The following RAD54L2 variants were observed in gnomAD, a reference collection of about 807,000 sequenced individuals.
RAD54L2 encodes the protein helicase ARIP4.
Under a neutral mutation model 138.4 loss-of-function variants are expected in RAD54L2, and 27 were observed. The observed-to-expected ratio is 0.20, with a 90% CI of 0.14 to 0.27. The LOEUF (loss-of-function observed/expected upper bound fraction) is 0.27, where lower values mean the gene tolerates loss of function less well. Ranked by LOEUF, RAD54L2 falls within the 10% of genes least tolerant of loss-of-function variation. The probability of loss-of-function intolerance (pLI) is 1.00; values close to 1 mark genes in which losing one functional copy is unlikely to be tolerated. For synonymous variants in RAD54L2, 644 were observed against 723.2 expected (o/e 0.89, Z 1.76); for missense variants, 1,396 against 1,890.2 (o/e 0.74, Z 4.85).
At chr3:51,575,329 A>G (rs1212522042) in intron 2 of RAD54L2, among the ~76,000 whole-genome samples, 2 of 152,170 alleles carry the variant, frequency 1.3e-5, no homozygotes, top group African/African-American at 2.4e-5. Context: ...TTGGCAATGC[A>G]GGCTCTTTTT....
At chr3:51,561,252 A>C (rs1025272855) in intron 2 of RAD54L2, among the ~76,000 whole-genome samples, 1 of 152,048 alleles carries the variant, frequency 6.6e-6, no homozygotes, top group Non-Finnish European at 1.5e-5. Context: ...GAAATTCCCT[A>C]TCTTTTTTTA....
chr3:51,552,718 G>A (rs1486061889), intron 2 of RAD54L2, among the ~76,000 whole-genome samples: 1 of 151,528 alleles, frequency 6.6e-6, no homozygotes, highest in Non-Finnish European at 1.5e-5. Context: ...GATTACAGGC[G>A]CTTACTACCA....
chr3:51,628,009 G>T (rs1490594941), intron 4 of RAD54L2, among the ~76,000 whole-genome samples: 2 of 152,150 alleles, frequency 1.3e-5, no homozygotes, highest in Non-Finnish European at 2.9e-5. Context: ...GAGGCCCCAG[G>T]TGGCAGCCCG....
intron 2 of RAD54L2, among the ~76,000 whole-genome samples, chr3:51,577,327 T>C (rs998396139): frequency 2.0e-5 from 3 of 152,192 alleles, no homozygotes; most frequent in Non-Finnish European, 2.9e-5. Context: ...TTCTATTGAT[T>C]TGGGGTGGAG....
chr3:51,579,746 A>G (rs1396624042), intron 2 of RAD54L2, among the ~76,000 whole-genome samples: 3 of 152,210 alleles, frequency 2.0e-5, no homozygotes, highest in African/African-American at 7.2e-5. Context: ...ACAGGCAAAC[A>G]AAAAAGTTAA....
chr3:51,602,676 T>C (rs1700103187), intron 3 of RAD54L2, among the ~76,000 whole-genome samples: 1 of 152,154 alleles, frequency 6.6e-6, no homozygotes, highest in African/African-American at 2.4e-5. Context: ...AGAGATACAT[T>C]CATCCAGTCA....
intron 3 of RAD54L2, among the ~76,000 whole-genome samples, chr3:51,594,543 G>C (rs1033234528): frequency 6.6e-6 from 1 of 152,140 alleles, no homozygotes; most frequent in African/African-American, 2.4e-5. Context: ...AACCAATGCT[G>C]CTTCTGAGAC....
At chr3:51,579,017 C>T (rs1699546643) in intron 2 of RAD54L2, among the ~76,000 whole-genome samples, 1 of 152,172 alleles carries the variant, frequency 6.6e-6, no homozygotes, top group African/African-American at 2.4e-5. Context: ...CCGTAATCTT[C>T]CCCTGTAGGC....
chr3:51,568,935 G>A (rs1047302391), intron 2 of RAD54L2, among the ~76,000 whole-genome samples: 1 of 152,146 alleles, frequency 6.6e-6, no homozygotes, highest in African/African-American at 2.4e-5. Context: ...GAGTTTATTT[G>A]AGTGCAAAGC....
chr3:51,549,056 G>C (rs1029031293), intron 2 of RAD54L2, among the ~76,000 whole-genome samples: 1 of 151,998 alleles, frequency 6.6e-6, no homozygotes, highest in East Asian at 1.9e-4. Flanking sequence ...GCAATGGTGC[G>C]ATCTTGGCTC....
intron 3 of RAD54L2, among the ~76,000 whole-genome samples, chr3:51,601,241 T>C (rs1264904635): frequency 6.6e-6 from 1 of 151,586 alleles, no homozygotes; most frequent in Non-Finnish European, 1.5e-5. Context: ...CTTGAACTCC[T>C]GACCTTGTGA....
At position 51,637,579 on chromosome 3, in the gene RAD54L2, C is replaced by T; in HGVS notation, c.1682+76C>T. 7.0e-7 allele frequency: 1 copy of T among 1,421,672 alleles called. No homozygotes were observed. The highest frequency in any genetic ancestry group is 9.5e-7 in the Non-Finnish European group (1 of 1,050,338). 88.1% of individuals were successfully genotyped at this position (1,421,672 alleles called of 1,614,324 possible). On this transcript the variant is annotated intron_variant, in intron 11 of 22. Transcript: ENST00000684192. The surrounding 1 kb of genome is among the most constrained non-coding windows in gnomAD (Gnocchi z 5.9). ...CCAAGGGCATGCCAAACCTGTTATA[C>T]AGGATAGGGTGTTGGAGTAGGAGGG...
chr3:51,544,387 A>T (rs1698632937), intron 2 of RAD54L2, among the ~76,000 whole-genome samples: 3 of 152,134 alleles, frequency 2.0e-5, no homozygotes. Flanking sequence ...CATAATTTTG[A>T]GGCTGGAGGG....
intron 3 of RAD54L2, among the ~76,000 whole-genome samples, chr3:51,622,666 C>T (rs972789466): frequency 6.6e-6 from 1 of 152,158 alleles, no homozygotes; most frequent in Admixed American, 6.5e-5. Context: ...CCCATGTCCA[C>T]CCAAACACCA....
chr3:51,631,651 CTT>C (rs1700846216), intron 7 of RAD54L2, among the ~76,000 whole-genome samples: 1 of 151,324 alleles, frequency 6.6e-6, no homozygotes, highest in South Asian at 2.1e-4. Flanking sequence ...GCTGAAAACT[CTT>C]TGTTTTTGAG....
At chr3:51,598,645 A>C (rs571154022) in intron 3 of RAD54L2, among the ~76,000 whole-genome samples, 51 of 152,168 alleles carry the variant, frequency 3.4e-4, no homozygotes, top group African/African-American at 1.1e-3. Flanking sequence ...AATCCCAGCT[A>C]CTCGGGAGGC....
At chr3:51,608,233 G>A (rs1344210219) in intron 3 of RAD54L2, among the ~76,000 whole-genome samples, 2 of 151,138 alleles carry the variant, frequency 1.3e-5, no homozygotes, top group African/African-American at 2.4e-5. Context: ...CAGACGGGGC[G>A]GCGGGGCAGA....
intron 3 of RAD54L2, among the ~76,000 whole-genome samples, chr3:51,625,854 C>T (rs1700665746): frequency 6.6e-6 from 1 of 151,626 alleles, no homozygotes; most frequent in Non-Finnish European, 1.5e-5. Context: ...AGAGCAAGAC[C>T]CTATCTCTTA....
intron 3 of RAD54L2, among the ~76,000 whole-genome samples, chr3:51,601,864 G>GT (rs549038700): frequency 7.5e-4 from 110 of 146,238 alleles, no homozygotes; most frequent in African/African-American, 1.6e-3. Flanking sequence ...TTTTTTTGTT[G>GT]TTTTTTTTTT....
Sources: allele counts gnomAD v4.1 joint callset (sites outside exome capture counted in the v4.1 genomes callset), GRCh38; gene constraint gnomAD v4.1.1; non-coding constraint Gnocchi (gnomAD v3.1); transcripts MANE v1.5; gene names NCBI Gene and HGNC (gene_info 2026-07-23, HGNC 2026-07-21).